Variants in HORMAD1 observed in about 807,000 individuals in gnomAD.
HORMAD1 encodes HORMA domain containing 1.
Under a neutral mutation model 58.2 loss-of-function variants are expected in HORMAD1, and 33 were observed. That is an observed-to-expected ratio of 0.57 (90% CI 0.43 to 0.76). The LOEUF (loss-of-function observed/expected upper bound fraction) is 0.76. Ranked by LOEUF, HORMAD1 falls within the 30% of genes least tolerant of loss-of-function variation. The probability of loss-of-function intolerance (pLI) is 0.00; values close to 1 mark genes in which losing one functional copy is unlikely to be tolerated. For missense variants in HORMAD1, 363 were observed against 462.0 expected (o/e 0.79, Z 1.96); for synonymous variants, 137 against 144.6 (o/e 0.95, Z 0.38).
chr1:150,707,403 T>C (rs1651728659), intron 9 of HORMAD1, among the ~76,000 whole-genome samples: 3 of 152,222 alleles, frequency 2.0e-5, no homozygotes, highest in Admixed American at 2.0e-4. Context: ...AGATGGACCA[T>C]AATTTATTTA....
chr1:150,703,302 A>T lies in HORMAD1; in HGVS notation c.1032+8T>A. On this transcript the variant is annotated splice_region_variant and intron_variant, in intron 13 of 14. Coordinates refer to ENST00000361824, the MANE Select transcript of HORMAD1 (RefSeq NM_032132.5). The stretch of plus-strand genomic sequence containing the variant: ...TACAATGGAAAACAAACCTAAAGAG[A>T]TATTTACCATTTTATTCTGAAAGAC... The T allele has an allele frequency of 7.1e-7, 1 of 1,402,724 alleles. No individual in the cohort carries two copies. Among genetic ancestry groups the T allele is most frequent in the East Asian group, 2.3e-5 (1 of 42,714 alleles). 86.9% of individuals were successfully genotyped at this position (1,402,724 alleles called of 1,614,324 possible). A position where few individuals can be genotyped will look rare whatever the true frequency, so the allele number is the denominator to read the frequency against.
rs772851748 is a variant in HORMAD1 at position 150,708,407 on chromosome 1, A to G, written c.396T>C (p.Ser132=). 4 of 1,577,580 alleles carry G rather than the reference A, an allele frequency of 2.5e-6. No homozygotes were observed. Among genetic ancestry groups the G allele is most frequent in the Non-Finnish European group, 2.6e-6 (3 of 1,160,530 alleles). ...TGCTAGATTCGTTGCTTTGGTTTTTACTAGAAGAGAATCACATATTAATTT... is the reference window on the plus strand; with the variant it reads ...TGCTAGATTCGTTGCTTTGGTTTTTGCTAGAAGAGAATCACATATTAATTT... The part of the protein sequence containing the change: ...TNNGPLMDFI[S]KNQSNESSML... Residue 132 remains serine (S), a splice_region_variant and synonymous_variant, in exon 9 of 15, where the codon AGT becomes AGC. Transcript: ENST00000361824.
chr1:150,711,740 G>A, intron 6 of HORMAD1, 93 bp downstream of exon 6: 1 of 958,300 alleles, frequency 1.0e-6, no homozygotes, highest in South Asian at 1.4e-5. Flanking sequence ...TGAATAATGT[G>A]ACATAATCAA....
At chr1:150,703,010 G>A (rs1033909161) in intron 13 of HORMAD1, among the ~76,000 whole-genome samples, 24 of 152,096 alleles carry the variant, frequency 1.6e-4, no homozygotes, top group Admixed American at 7.2e-4. Context: ...AACCTTTCCC[G>A]GATCCCTCTC....
At position 150,717,236 on chromosome 1, in the gene HORMAD1, A is replaced by G; in HGVS notation, c.80T>C (p.Leu27Ser). Residue 27 changes from leucine to serine, a missense_variant, in exon 3 of 15, where the codon TTG (leucine) becomes TCG (serine). This residue lies in a region of HORMAD1 where 128 missense variants were observed against 171.8 expected (regional missense o/e 0.74). Transcript: ENST00000361824. ...PNKISTEHQS[L>S]VLVKRLLAVS... Reference sequence around the variant, plus strand: ...TGCTAGAAGCCTCTTCACTAACACCAAAGACTGGTGTTCAGTTGATATCTT... The same window carrying G: ...TGCTAGAAGCCTCTTCACTAACACCGAAGACTGGTGTTCAGTTGATATCTT... The G allele has an allele frequency of 1.9e-6, 3 of 1,595,772 alleles. No individual in the cohort carries two copies. The highest frequency in any genetic ancestry group is 2.6e-6 in the Non-Finnish European group (3 of 1,168,214).
At chr1:150,700,420 G>A (rs998663192) in intron 13 of HORMAD1, among the ~76,000 whole-genome samples, 2 of 152,120 alleles carry the variant, frequency 1.3e-5, no homozygotes, top group East Asian at 1.9e-4. Flanking sequence ...TGGGATTACA[G>A]GAATGAGCTA....
chr1:150,713,491 G>C (rs1206028260), intron 5 of HORMAD1, among the ~76,000 whole-genome samples: 1 of 151,828 alleles, frequency 6.6e-6, no homozygotes, highest in Admixed American at 6.6e-5. Flanking sequence ...AGCCGAGATG[G>C]TGCCACTGCA....
chr1:150,718,381 A>T lies in HORMAD1; in HGVS notation c.33+1092T>A, dbSNP rs79019274. 8.7e-3 allele frequency among the ~76,000 whole-genome samples: 1,176 copies of T among 135,552 alleles called. 9 individuals carry two copies. Among genetic ancestry groups the T allele is most frequent in the Admixed American group, 0.012 (143 of 11,972 alleles). The allele number at this position is 135,552 out of a possible 152,430, so 88.9% of individuals were successfully genotyped here. ...TTTTTTTTTGTAGAGATGAGATCTC[A>T]CTATGTTACCCAGGCTGACCTCAAA... On this transcript the variant is annotated intron_variant, in intron 2 of 14. Transcript: ENST00000361824.
At chr1:150,717,965 A>G (rs893668020) in intron 2 of HORMAD1, among the ~76,000 whole-genome samples, 2 of 152,196 alleles carry the variant, frequency 1.3e-5, no homozygotes, top group Non-Finnish European at 2.9e-5. Flanking sequence ...GTATATAATC[A>G]TTATATAATT....
rs370700609 is a variant in HORMAD1 at position 150,708,244 on chromosome 1, T to C, written c.547+12A>G. The C allele has an allele frequency of 5.1e-5, 80 of 1,577,452 alleles. No individual in the cohort carries two copies. The highest frequency in any genetic ancestry group is 6.6e-5 in the Non-Finnish European group (77 of 1,161,288). On this transcript the variant is annotated intron_variant, in intron 9 of 14. Coordinates refer to ENST00000361824, the MANE Select transcript of HORMAD1 (RefSeq NM_032132.5). ...ATGTACCAACTGAAACAGGATGTAT[T>C]GCAAATAGTACCTTCATCATAGTAA...
intron 11 of HORMAD1, 31 bp from the exon 12 acceptor site, chr1:150,704,225 G>C (rs1423233782): frequency 6.5e-7 from 1 of 1,532,472 alleles, no homozygotes; most frequent in African/African-American, 1.4e-5. Flanking sequence ...AGTTACCCGG[G>C]TATAAAATTG....
At chr1:150,714,945 G>A (rs111324345) in intron 3 of HORMAD1, among the ~76,000 whole-genome samples, 19 of 151,836 alleles carry the variant, frequency 1.3e-4, no homozygotes, top group African/African-American at 4.1e-4. Context: ...CACCATGACC[G>A]GCTAATTTTT....
intron 1 of HORMAD1, among the ~76,000 whole-genome samples, chr1:150,720,099 G>T (rs1222639519): frequency 6.9e-6 from 1 of 145,954 alleles, no homozygotes; most frequent in African/African-American, 2.5e-5. Flanking sequence ...TTTCGAGACG[G>T]TGTCTCTCTC....
intron 5 of HORMAD1, 55 bp from the exon 6 acceptor site, chr1:150,711,908 A>G: frequency 2.2e-5 from 25 of 1,152,874 alleles, no homozygotes; most frequent in Non-Finnish European, 3.2e-5. Flanking sequence ...ATAATTTTTC[A>G]TTACGAATCA....
intron 12 of HORMAD1, among the ~76,000 whole-genome samples, chr1:150,703,624 C>T (rs1478236014): frequency 2.0e-5 from 3 of 152,260 alleles, no homozygotes; most frequent in African/African-American, 7.2e-5. Flanking sequence ...AAATGATCAC[C>T]AGGCACCACC....
chr1:150,716,151 T>A, intron 3 of HORMAD1, among the ~76,000 whole-genome samples: 1 of 31,818 alleles, frequency 3.1e-5, no homozygotes. Context: ...AAAGGACCAC[T>A]TTTTTTTTTT....
At chr1:150,705,282 T>C (rs958607763) in intron 10 of HORMAD1, among the ~76,000 whole-genome samples, 2 of 152,114 alleles carry the variant, frequency 1.3e-5, no homozygotes, top group African/African-American at 4.8e-5. Flanking sequence ...TCCCAGCACT[T>C]TGGGAGGCAC....
In HORMAD1 at chr1:150,698,064, T is replaced by C. The variant is rs1386152948; in HGVS notation, c.*590A>G. ...ATTAGAAGCGATAAAAGGGCCTACG[T>C]ACTGAACAATATTTTATTTATGCTG... On this transcript the variant is annotated 3_prime_UTR_variant, in exon 15 of 15. Coordinates refer to ENST00000361824, the MANE Select transcript of HORMAD1 (RefSeq NM_032132.5). The C allele has an allele frequency of 6.6e-6, 1 of 152,238 alleles. No homozygotes were observed. The highest frequency in any genetic ancestry group is 1.5e-5 in the Non-Finnish European group (1 of 68,056). 9.4% of individuals were successfully genotyped at this position (152,238 alleles called of 1,614,324 possible).
intron 8 of HORMAD1, 40 bp downstream of exon 8, chr1:150,708,854 T>G: frequency 1.0e-6 from 1 of 994,534 alleles, no homozygotes; most frequent in South Asian, 1.3e-5. Flanking sequence ...TATGAATAAG[T>G]GGTAATCTGT....
Sources: allele counts gnomAD v4.1 joint callset (sites outside exome capture counted in the v4.1 genomes callset), GRCh38; gene constraint gnomAD v4.1.1; regional missense constraint gnomAD v4.1.1; transcripts MANE v1.5; gene names NCBI Gene and HGNC (gene_info 2026-07-23, HGNC 2026-07-21).